NKAIN2: variants seen among roughly 807,000 people sequenced by gnomAD.
NKAIN2 encodes sodium/potassium-transporting ATPase subunit beta-1-interacting protein 2.
Under a neutral mutation model 32.6 loss-of-function variants are expected in NKAIN2, and 14 were observed. The ratio of observed to expected loss-of-function variants is 0.43; its 90% CI spans 0.28 to 0.67. The LOEUF (loss-of-function observed/expected upper bound fraction) is 0.67, where lower values mean the gene tolerates loss of function less well. NKAIN2 is among the 30% of genes least tolerant of loss of function. NKAIN2 has a pLI of 0.17. For synonymous variants in NKAIN2, 80 were observed against 87.2 expected, an observed-to-expected ratio of 0.92 and a Z score of 0.46; for missense variants, 198 against 258.3, an observed-to-expected ratio of 0.77 and a Z score of 1.60.
chr6:124,727,248 A>G lies in NKAIN2; in HGVS notation c.475-64091A>G, dbSNP rs544496937. 2.4e-3 allele frequency among the ~76,000 whole-genome samples: 364 copies of G among 151,994 alleles called. 4 individuals carry two copies. Among genetic ancestry groups the G allele is most frequent in the African/African-American group, 8.3e-3 (342 of 41,442 alleles). On this transcript the variant is annotated intron_variant, in intron 4 of 6. Coordinates refer to ENST00000368417, the MANE Select transcript of NKAIN2 (RefSeq NM_001040214.3). ...CTCGAGAAGAGCAACTCCAAGACAC[A>G]TAATTGTCAGATTCACCAAAGTTGA...
At chr6:124,013,617 A>T (rs1432750786) in intron 1 of NKAIN2, among the ~76,000 whole-genome samples, 1 of 152,198 alleles carries the variant, frequency 6.6e-6, no homozygotes, top group Non-Finnish European at 1.5e-5. Context: ...TCCGCAAAAG[A>T]TGTCTACGAC....
At chr6:124,046,437 C>A (rs1449153456) in intron 1 of NKAIN2, among the ~76,000 whole-genome samples, 1 of 151,948 alleles carries the variant, frequency 6.6e-6, no homozygotes, top group African/African-American at 2.4e-5. Context: ...CACATTAGTT[C>A]CTTTAACATT....
intron 3 of NKAIN2, among the ~76,000 whole-genome samples, chr6:124,596,863 G>C (rs1354926094): frequency 6.6e-6 from 1 of 152,082 alleles, no homozygotes; most frequent in Non-Finnish European, 1.5e-5. Flanking sequence ...CAATGGTAGA[G>C]TTCCAGTTCC....
intron 3 of NKAIN2, among the ~76,000 whole-genome samples, chr6:124,484,153 C>G (rs1046746713): frequency 1.1e-4 from 17 of 152,164 alleles, no homozygotes; most frequent in African/African-American, 4.1e-4. Flanking sequence ...AGACCCTGGT[C>G]AACTTTGAGA....
rs544651911 is a variant in NKAIN2, at chr6:123,936,160, G to C, written c.54+131906G>C. Among the ~76,000 whole-genome samples, 26 of 152,262 alleles carry C rather than the reference G, an allele frequency of 1.7e-4. No homozygotes were observed. In the South Asian group the frequency reaches 5.4e-3, roughly 31 times the overall value. On this transcript the variant is annotated intron_variant, in intron 1 of 6. Coordinates refer to ENST00000368417, the MANE Select transcript of NKAIN2 (RefSeq NM_001040214.3). ...TTCATTTTGGCCTTGAAGATAGAAA[G>C]AGAAACCACATTTATTTTGAAGATG...
intron 3 of NKAIN2, among the ~76,000 whole-genome samples, chr6:124,513,860 C>T (rs1778807704): frequency 6.6e-6 from 1 of 152,038 alleles, no homozygotes. Flanking sequence ...AATCATAACC[C>T]ATAATGTGGG....
intron 3 of NKAIN2, among the ~76,000 whole-genome samples, chr6:124,619,063 C>T (rs1172150066): frequency 1.3e-5 from 2 of 151,878 alleles, no homozygotes; most frequent in Non-Finnish European, 2.9e-5. Flanking sequence ...CCCAAAAGTT[C>T]CTGGAAACAT....
At chr6:124,239,685 C>G (rs1329747214) in intron 1 of NKAIN2, among the ~76,000 whole-genome samples, 1 of 152,124 alleles carries the variant, frequency 6.6e-6, no homozygotes, top group Non-Finnish European at 1.5e-5. Flanking sequence ...TAAAGATGTT[C>G]TTTGAAACCA....
intron 1 of NKAIN2, among the ~76,000 whole-genome samples, chr6:124,077,164 T>A (rs2114896410): frequency 6.6e-6 from 1 of 152,362 alleles, no homozygotes; most frequent in East Asian, 1.9e-4. Context: ...TGTTTTGTGC[T>A]GTAGCACAAT....
intron 1 of NKAIN2, among the ~76,000 whole-genome samples, chr6:124,129,005 A>G (rs1163771509): frequency 3.3e-5 from 5 of 152,178 alleles, no homozygotes; most frequent in African/African-American, 4.8e-5. Context: ...GAATTTGAAT[A>G]TCTAATAAGT....
chr6:124,621,415 T>G (rs1165151193), intron 3 of NKAIN2, among the ~76,000 whole-genome samples: 2 of 152,192 alleles, frequency 1.3e-5, no homozygotes, highest in African/African-American at 4.8e-5. Flanking sequence ...AATTCAGTCT[T>G]TCTTCTCTCC....
chr6:124,104,044 G>A (rs1173047366), intron 1 of NKAIN2, among the ~76,000 whole-genome samples: 7 of 152,050 alleles, frequency 4.6e-5, no homozygotes, highest in African/African-American at 1.2e-4. Context: ...TTGAGATTGC[G>A]CCACTGCACT....
chr6:124,554,329 G>C (rs550716261), intron 3 of NKAIN2, among the ~76,000 whole-genome samples: 2 of 152,126 alleles, frequency 1.3e-5, no homozygotes. Context: ...CTGTTCTCCC[G>C]GTGTGAAATG....
chr6:123,988,312 A>G (rs1779240914), intron 1 of NKAIN2, among the ~76,000 whole-genome samples: 1 of 152,212 alleles, frequency 6.6e-6, no homozygotes, highest in Non-Finnish European at 1.5e-5. Flanking sequence ...TGCCAAAGAC[A>G]TGAACAAAAA....
At chr6:124,506,862 C>T (rs189369077) in intron 3 of NKAIN2, among the ~76,000 whole-genome samples, 1 of 152,314 alleles carries the variant, frequency 6.6e-6, no homozygotes, top group East Asian at 1.9e-4. Flanking sequence ...CCACCCTCCC[C>T]TCTAGGGAAA....
chr6:124,553,272 A>G (rs1356692313), intron 3 of NKAIN2, among the ~76,000 whole-genome samples: 1 of 152,168 alleles, frequency 6.6e-6, no homozygotes, highest in Non-Finnish European at 1.5e-5. Flanking sequence ...TTTATTAAAC[A>G]TCTACTATGT....
At chr6:124,398,812 G>C (rs1053005514) in intron 3 of NKAIN2, among the ~76,000 whole-genome samples, 1 of 152,148 alleles carries the variant, frequency 6.6e-6, no homozygotes, top group African/African-American at 2.4e-5. Flanking sequence ...AATGCAATGA[G>C]CTTTTTAAGT....
chr6:123,862,439 C>T (rs1775819748), intron 1 of NKAIN2, among the ~76,000 whole-genome samples: 1 of 152,156 alleles, frequency 6.6e-6, no homozygotes, highest in Non-Finnish European at 1.5e-5. Flanking sequence ...TGATGAGCCA[C>T]TCTGTCTCCT....
chr6:124,105,363 C>A (rs1785071616), intron 1 of NKAIN2, among the ~76,000 whole-genome samples: 1 of 152,022 alleles, frequency 6.6e-6, no homozygotes, highest in Admixed American at 6.6e-5. Flanking sequence ...GTGGTAGAGT[C>A]CGGGTGTAGT....
Sources: allele counts gnomAD v4.1 joint callset (sites outside exome capture counted in the v4.1 genomes callset), GRCh38; gene constraint gnomAD v4.1.1; transcripts MANE v1.5; gene names NCBI Gene and HGNC (gene_info 2026-07-23, HGNC 2026-07-21).